IL1RAP: variants seen among roughly 807,000 people sequenced by gnomAD.
IL1RAP encodes the protein interleukin 1 receptor accessory protein.
A neutral mutation model predicts 60.7 loss-of-function variants in IL1RAP; 35 were observed. That is an observed-to-expected ratio of 0.58 (90% confidence interval 0.44 to 0.76). The LOEUF (loss-of-function observed/expected upper bound fraction) is 0.76. IL1RAP is among the 30% of genes least tolerant of loss of function. The pLI, the probability that IL1RAP is intolerant of heterozygous loss-of-function variation, is 0.00. For missense variants in IL1RAP, 572 were observed against 693.9 expected (o/e 0.82, Z 1.97); for synonymous variants, 268 against 250.9 (o/e 1.07, Z -0.64).
At chr3:190,518,251 C>T (rs140882471) in intron 1 of IL1RAP, among the ~76,000 whole-genome samples, 36 of 152,136 alleles carry the variant, frequency 2.4e-4, no homozygotes, top group Non-Finnish European at 2.4e-4. Context: ...TCTTTTGGCT[C>T]TGCAGCTAGG....
chr3:190,617,207 C>A (rs1731355476), intron 5 of IL1RAP, among the ~76,000 whole-genome samples: 1 of 152,208 alleles, frequency 6.6e-6, no homozygotes, highest in Non-Finnish European at 1.5e-5. Context: ...TGCAATCCTT[C>A]ATTAGACCAT....
chr3:190,516,293 T>C (rs1721507556), intron 1 of IL1RAP: 2 of 152,214 alleles, frequency 1.3e-5, no homozygotes, highest in Admixed American at 6.5e-5. Context: ...GTACATGCAT[T>C]GTGGTGAGCT....
intron 1 of IL1RAP, among the ~76,000 whole-genome samples, chr3:190,519,849 C>T (rs976013939): frequency 6.6e-6 from 1 of 152,120 alleles, no homozygotes; most frequent in African/African-American, 2.4e-5. Context: ...GCTATGCCAT[C>T]AGCTGAGAGA....
Position 190,619,594 on chromosome 3 carries a change from G to A in IL1RAP, c.538-681G>A, listed in dbSNP as rs146770319. On this transcript the variant is annotated intron_variant, in intron 5 of 11. Coordinates refer to ENST00000447382, the MANE Select transcript of IL1RAP (RefSeq NM_002182.4). The stretch of plus-strand genomic sequence containing the variant: ...ACAAAAATTAGCCAGGCATGGTGGC[G>A]CGCACCTGTACTCCCAGCTTCTCAG... 4.3e-3 allele frequency among the ~76,000 whole-genome samples: 658 copies of A among 151,962 alleles called. 4 individuals are homozygous for A. The highest frequency in any genetic ancestry group is 0.015 in the African/African-American group (632 of 41,436).
intron 1 of IL1RAP, among the ~76,000 whole-genome samples, chr3:190,541,099 G>A (rs912928701): frequency 6.6e-6 from 1 of 151,906 alleles, no homozygotes; most frequent in Non-Finnish European, 1.5e-5. Context: ...CAAAGTTAGG[G>A]TCCAACTCTC....
In IL1RAP at chr3:190,637,234, C is replaced by G. The variant is rs114713348; in HGVS notation, c.1052-7014C>G. The stretch of plus-strand genomic sequence containing the variant: ...GCTTATTTTTTATTTCTGACACTAT[C>G]CATTCTTGGTAACATTTTAATCTGA... On this transcript the variant is annotated intron_variant, in intron 9 of 11. Coordinates refer to ENST00000447382, the MANE Select transcript of IL1RAP (RefSeq NM_002182.4). Among the ~76,000 whole-genome samples the G allele has an allele frequency of 6.6e-3, 1,003 of 152,142 alleles. 6 individuals carry two copies. Among genetic ancestry groups the G allele is most frequent in the Admixed American group, 0.012 (178 of 15,280 alleles).
intron 10 of IL1RAP, among the ~76,000 whole-genome samples, 172 bp from the exon 11 acceptor site, chr3:190,645,527 A>G (rs1733954060): frequency 6.6e-6 from 1 of 152,226 alleles, no homozygotes; most frequent in African/African-American, 2.4e-5. Context: ...ATAACATTCA[A>G]AATTACATCT....
chr3:190,627,286 TTTTTG>T (rs1732382265), intron 7 of IL1RAP, 32 bp from the exon 8 acceptor site: 3 of 1,418,336 alleles, frequency 2.1e-6, no homozygotes, highest in African/African-American at 2.1e-5. Context: ...TTTGTTTTGT[TTTTTG>T]TTTTTTTTGT....
chr3:190,614,028 C>G (rs944579672), intron 5 of IL1RAP, among the ~76,000 whole-genome samples: 7 of 151,972 alleles, frequency 4.6e-5, no homozygotes, highest in African/African-American at 1.7e-4. Flanking sequence ...TACAGCAGTG[C>G]TAACTTTGCC....
intron 3 of IL1RAP, among the ~76,000 whole-genome samples, chr3:190,588,514 C>G (rs1192863762): frequency 6.6e-6 from 1 of 152,206 alleles, no homozygotes; most frequent in East Asian, 1.9e-4. Context: ...GTGTCTTGGA[C>G]TTGACAGTGT....
At chr3:190,561,919 G>C (rs1725919634) in intron 2 of IL1RAP, among the ~76,000 whole-genome samples, 1 of 152,146 alleles carries the variant, frequency 6.6e-6, no homozygotes, top group Non-Finnish European at 1.5e-5. Flanking sequence ...GCGCCTGGCA[G>C]TGCTCTATAA....
At chr3:190,574,041 A>T (rs1727234665) in intron 3 of IL1RAP, among the ~76,000 whole-genome samples, 1 of 152,166 alleles carries the variant, frequency 6.6e-6, no homozygotes, top group African/African-American at 2.4e-5. Context: ...TTGCTCTTTG[A>T]CTTTAAGATG....
chr3:190,531,555 C>T (rs931656283), intron 1 of IL1RAP, among the ~76,000 whole-genome samples: 4 of 152,164 alleles, frequency 2.6e-5, no homozygotes, highest in African/African-American at 9.7e-5. Context: ...CAGCACTTCC[C>T]GGCACATACT....
chr3:190,638,521 C>T (rs1397505123), intron 9 of IL1RAP, among the ~76,000 whole-genome samples: 10 of 152,156 alleles, frequency 6.6e-5, no homozygotes, highest in Non-Finnish European at 1.5e-4. Flanking sequence ...CTTTGTCAGA[C>T]ACATGTTTTG....
rs1420732116 is a variant in IL1RAP at position 190,620,341 on chromosome 3, G to C, written c.604G>C (p.Ala202Pro). 2.5e-6 allele frequency: 4 copies of C among 1,605,694 alleles called. No homozygotes were observed. Among genetic ancestry groups the C allele is most frequent in the Non-Finnish European group, 3.4e-6 (4 of 1,174,136 alleles). The change falls in exon 6 of 12, where the codon GCC becomes CCC. Residue 202 changes from alanine (A) to proline (P), a missense_variant. Ala to Pro is a conservative substitution (Grantham distance 27, BLOSUM62 -1). Coordinates refer to ENST00000447382, the MANE Select transcript of IL1RAP (RefSeq NM_002182.4). ...AGGTATGAACTTGAGTTTCCTCATTGCCTTAATTTCAAATAATGGAAATTA... is the reference window on the plus strand; with the variant it reads ...AGGTATGAACTTGAGTTTCCTCATTCCCTTAATTTCAAATAATGGAAATTA... ...PEGMNLSFLI[A>P]LISNNGNYTC... is the part of the protein sequence containing the mutation.
At chr3:190,572,886 CG>C (rs1727086003) in intron 3 of IL1RAP, among the ~76,000 whole-genome samples, 3 of 4,898 alleles carry the variant, frequency 6.1e-4, no homozygotes, top group African/African-American at 1.3e-3. Flanking sequence ...TTTTTTGAGA[CG>C]GAGTCTCGCT....
At chr3:190,625,871 A>G (rs139519860) in intron 7 of IL1RAP, among the ~76,000 whole-genome samples, 3 of 152,214 alleles carry the variant, frequency 2.0e-5, no homozygotes, top group African/African-American at 7.2e-5. Context: ...CTGTCAAACT[A>G]TGCTGACAGA....
At chr3:190,544,744 G>A (rs1026503924) in intron 1 of IL1RAP, among the ~76,000 whole-genome samples, 2 of 152,212 alleles carry the variant, frequency 1.3e-5, no homozygotes, top group African/African-American at 4.8e-5. Context: ...GAGAAACACT[G>A]TATATTATTA....
chr3:190,577,186 A>C (rs755223748), intron 3 of IL1RAP, among the ~76,000 whole-genome samples: 2 of 151,932 alleles, frequency 1.3e-5, no homozygotes, highest in African/African-American at 4.8e-5. Flanking sequence ...GCTTAAATCT[A>C]TATATATATG....
Sources: allele counts gnomAD v4.1 joint callset (sites outside exome capture counted in the v4.1 genomes callset), GRCh38; gene constraint gnomAD v4.1.1; transcripts MANE v1.5; gene names NCBI Gene and HGNC (gene_info 2026-07-23, HGNC 2026-07-21).